Variants in ADAM22 observed in about 807,000 individuals in gnomAD.
The protein encoded by ADAM22 is disintegrin and metalloproteinase domain-containing protein 22.
A neutral mutation model predicts 144.6 loss-of-function variants in ADAM22; 65 were observed. The ratio of observed to expected loss-of-function variants is 0.45; its 90% CI spans 0.37 to 0.55. The LOEUF (loss-of-function observed/expected upper bound fraction) is 0.55, where lower values mean the gene tolerates loss of function less well. ADAM22 is among the 20% of genes least tolerant of loss of function. The pLI is 0.00. For synonymous variants in ADAM22, 391 were observed against 412.6 expected, an observed-to-expected ratio of 0.95 and a Z score of 0.63; for missense variants, 974 against 1,184.9, an observed-to-expected ratio of 0.82 and a Z score of 2.61.
At chr7:88,005,700 A>T (rs894620437) in intron 3 of ADAM22, among the ~76,000 whole-genome samples, 4 of 152,172 alleles carry the variant, frequency 2.6e-5, no homozygotes, top group African/African-American at 7.2e-5. Flanking sequence ...CTTAACTTGG[A>T]ATTTTACTAA....
At chr7:88,130,695 A>C (rs1831540437) in intron 10 of ADAM22, among the ~76,000 whole-genome samples, 1 of 152,130 alleles carries the variant, frequency 6.6e-6, no homozygotes, top group Non-Finnish European at 1.5e-5. Context: ...TGTTTTTCAC[A>C]CTGTAAAAAC....
chr7:88,151,938 A>G (rs1406591298), intron 20 of ADAM22, among the ~76,000 whole-genome samples: 1 of 152,220 alleles, frequency 6.6e-6, no homozygotes, highest in Non-Finnish European at 1.5e-5. Context: ...AATGTTGAGT[A>G]ATGTATTGTT....
At chr7:88,183,731 A>G (rs1387869588) in intron 29 of ADAM22, among the ~76,000 whole-genome samples, 1 of 151,592 alleles carries the variant, frequency 6.6e-6, no homozygotes, top group Non-Finnish European at 1.5e-5. Flanking sequence ...TGGTTACATG[A>G]CTCATGTTAA....
At position 87,982,906 on chromosome 7, in the gene ADAM22, G is replaced by T. The variant is rs191137688; in HGVS notation, c.323+4494G>T. Among the ~76,000 whole-genome samples, 87 of 151,000 alleles carry T rather than the reference G, an allele frequency of 5.8e-4. 1 individual carries two copies. The highest frequency in any genetic ancestry group is 3.4e-3 in the Middle Eastern group (1 of 294). Reference sequence around the variant, plus strand: ...GAGTTTCTCCATGTTGGTCAGGCTGGTCTCGAACTCCTGACCTCAGGTGAT... The same window carrying T: ...GAGTTTCTCCATGTTGGTCAGGCTGTTCTCGAACTCCTGACCTCAGGTGAT... On this transcript the variant is annotated intron_variant, in intron 3 of 31. Coordinates refer to ENST00000413139, the MANE Select transcript of ADAM22 (RefSeq NM_001324418.2).
At chr7:88,047,818 C>T (rs1424099407) in intron 3 of ADAM22, among the ~76,000 whole-genome samples, 1 of 151,918 alleles carries the variant, frequency 6.6e-6, no homozygotes, top group African/African-American at 2.4e-5. Flanking sequence ...TACACGTATG[C>T]AGGGCACTGA....
In ADAM22 at chr7:88,113,724, A is replaced by G. The variant is rs1826910675; in HGVS notation, c.474-860A>G. On this transcript the variant is annotated intron_variant, in intron 5 of 31. Coordinates refer to ENST00000413139, the MANE Select transcript of ADAM22 (RefSeq NM_001324418.2). ...AATAAATATATATATATATATATATATATATATATATATATAGTAAGTCCT... is the reference window on the plus strand; with the variant it reads ...AATAAATATATATATATATATATATGTATATATATATATATAGTAAGTCCT... Among the ~76,000 whole-genome samples, 3 of 118,992 alleles carry G rather than the reference A, an allele frequency of 2.5e-5. 1 individual carries two copies. The highest frequency in any genetic ancestry group is 5.5e-4 in the South Asian group (2 of 3,610). 78.1% of individuals were successfully genotyped at this position (118,992 alleles called of 152,430 possible). A position where few individuals can be genotyped will look rare whatever the true frequency, so the allele number is the denominator to read the frequency against.
chr7:87,954,544 A>C (rs958987603), intron 2 of ADAM22, among the ~76,000 whole-genome samples: 2 of 152,144 alleles, frequency 1.3e-5, no homozygotes, highest in African/African-American at 2.4e-5. Flanking sequence ...CTTTGTGGGT[A>C]ACCCGACCTT....
chr7:88,070,019 C>T (rs188873507), intron 3 of ADAM22, among the ~76,000 whole-genome samples: 4 of 151,938 alleles, frequency 2.6e-5, no homozygotes, highest in African/African-American at 7.3e-5. Context: ...AGAAATGTGC[C>T]GGGCTTTAAG....
intron 3 of ADAM22, among the ~76,000 whole-genome samples, chr7:87,993,067 A>G (rs1160192383): frequency 8.5e-5 from 13 of 152,194 alleles, no homozygotes; most frequent in African/African-American, 1.4e-4. Context: ...CAAGGAATCT[A>G]TTGGCTAGTG....
intron 7 of ADAM22, 114 bp from the exon 8 acceptor site, chr7:88,125,475 G>A: frequency 1.6e-6 from 1 of 643,054 alleles, no homozygotes; most frequent in Non-Finnish European, 2.7e-6. Flanking sequence ...TGATCGTTAA[G>A]TGCAACATTA....
At chr7:87,982,068 T>TACACACACACACAC (rs1175758724) in intron 3 of ADAM22, among the ~76,000 whole-genome samples, 2 of 93,742 alleles carry the variant, frequency 2.1e-5, no homozygotes, top group African/African-American at 9.2e-5. Flanking sequence ...TATATATATA[T>TACACACACACACAC]ACACACACAC....
rs115583299 is a variant in ADAM22 at position 88,005,672 on chromosome 7, G to A, written c.323+27260G>A. On this transcript the variant is annotated intron_variant, in intron 3 of 31. Coordinates refer to ENST00000413139, the MANE Select transcript of ADAM22 (RefSeq NM_001324418.2). Reference sequence around the variant, plus strand: ...AGATGCTAAATCTGTCACATTAACCGTATTTCACTAATGTAGGCTTAACTT... The same window carrying A: ...AGATGCTAAATCTGTCACATTAACCATATTTCACTAATGTAGGCTTAACTT... 2.3e-3 allele frequency among the ~76,000 whole-genome samples: 348 copies of A among 152,228 alleles called. 1 individual carries two copies. The highest frequency in any genetic ancestry group is 7.8e-3 in the African/African-American group (326 of 41,546).
At chr7:88,117,687 A>C (rs1828142160) in intron 7 of ADAM22, among the ~76,000 whole-genome samples, 1 of 134,696 alleles carries the variant, frequency 7.4e-6, no homozygotes, top group African/African-American at 2.7e-5. Flanking sequence ...AGTGAGCCTT[A>C]TTTTAATTTT....
intron 3 of ADAM22, among the ~76,000 whole-genome samples, chr7:88,048,952 T>G (rs1368696785): frequency 6.6e-6 from 1 of 152,212 alleles, no homozygotes; most frequent in Non-Finnish European, 1.5e-5. Context: ...TAGGGATGTT[T>G]TATTTTCAGT....
intron 5 of ADAM22, among the ~76,000 whole-genome samples, chr7:88,113,660 G>GTATA (rs1161858622): frequency 2.6e-5 from 3 of 116,680 alleles, no homozygotes; most frequent in African/African-American, 1.2e-4. Context: ...GTATGTGTGT[G>GTATA]TGTATATATA....
intron 3 of ADAM22, among the ~76,000 whole-genome samples, chr7:87,991,800 T>C (rs1353998499): frequency 2.0e-5 from 3 of 152,240 alleles, no homozygotes; most frequent in Non-Finnish European, 4.4e-5. Flanking sequence ...GAAATAGCTA[T>C]TTTTAGAATG....
intron 9 of ADAM22, among the ~76,000 whole-genome samples, chr7:88,130,156 A>G (rs2129497471): frequency 1.3e-5 from 2 of 152,278 alleles, no homozygotes; most frequent in East Asian, 1.9e-4. Flanking sequence ...TCCCAGATGA[A>G]TAAATTGAGG....
chr7:88,049,750 G>A (rs765622061), intron 3 of ADAM22, among the ~76,000 whole-genome samples: 3 of 152,150 alleles, frequency 2.0e-5, no homozygotes, highest in South Asian at 4.1e-4. Flanking sequence ...TGGGGTGAAA[G>A]GGATGATTTT....
At chr7:88,011,227 T>C (rs904430424) in intron 3 of ADAM22, among the ~76,000 whole-genome samples, 1 of 152,228 alleles carries the variant, frequency 6.6e-6, no homozygotes, top group African/African-American at 2.4e-5. Context: ...AAAACTATTA[T>C]TGATTTAAAC....
Sources: gnomAD v4.1 joint callset for allele counts (sites outside exome capture counted in the v4.1 genomes callset) on GRCh38, gnomAD v4.1.1 for gene constraint, MANE v1.5 for transcripts, NCBI Gene and HGNC (gene_info 2026-07-23, HGNC 2026-07-21) for gene names.